Variants in SAMD12 observed in about 807,000 individuals in gnomAD.
SAMD12 encodes the protein sterile alpha motif domain-containing protein 12.
A neutral mutation model predicts 15.0 loss-of-function variants in SAMD12; 9 were observed. The observed-to-expected ratio is 0.60, with a 90% CI of 0.36 to 1.05. The LOEUF is 1.05. Ranked by LOEUF, SAMD12 falls within the 50% of genes least tolerant of loss-of-function variation. The probability of loss-of-function intolerance (pLI) is 0.01; values close to 1 mark genes in which losing one functional copy is unlikely to be tolerated. For missense variants in SAMD12, 230 were observed against 234.2 expected (o/e 0.98, Z 0.12); for synonymous variants, 86 against 90.1 (o/e 0.96, Z 0.25).
chr8:118,384,554 C>T (rs986989938), intron 3 of SAMD12, among the ~76,000 whole-genome samples: 2 of 152,084 alleles, frequency 1.3e-5, no homozygotes, highest in African/African-American at 4.8e-5. Flanking sequence ...GAAAGACAGA[C>T]ATCAGAGATG....
intron 2 of SAMD12, among the ~76,000 whole-genome samples, chr8:118,551,151 G>A (rs537086540): frequency 6.6e-6 from 1 of 152,166 alleles, no homozygotes; most frequent in African/African-American, 2.4e-5. Flanking sequence ...CCCAGGAATG[G>A]AAATCAGCTC....
At chr8:118,142,586 C>G in the SAMD12 span, among the ~76,000 whole-genome samples, 2 of 152,202 alleles carry the variant, frequency 1.3e-5, no homozygotes, top group Non-Finnish European at 2.9e-5. Context: ...GGGCTAACTT[C>G]CAGTCTAGCA....
the SAMD12 span, among the ~76,000 whole-genome samples, chr8:118,154,244 C>A: frequency 3.8e-4 from 58 of 152,214 alleles, 1 homozygote; most frequent in African/African-American, 1.2e-3. Flanking sequence ...CCCTTTTCAG[C>A]GTCATTTCGT....
intron 4 of SAMD12, among the ~76,000 whole-genome samples, chr8:118,359,411 G>A (rs922246365): frequency 1.3e-5 from 2 of 152,164 alleles, no homozygotes; most frequent in African/African-American, 4.8e-5. Flanking sequence ...AGTTTGCTAT[G>A]GCAGCCCCAG....
chr8:118,485,599 A>G (rs1455209473), intron 2 of SAMD12, among the ~76,000 whole-genome samples: 3 of 152,210 alleles, frequency 2.0e-5, no homozygotes, highest in Admixed American at 1.3e-4. Flanking sequence ...GCATATTATA[A>G]ATTAAATAAT....
chr8:118,398,347 T>A (rs902470684), intron 3 of SAMD12, among the ~76,000 whole-genome samples: 1 of 152,148 alleles, frequency 6.6e-6, no homozygotes, highest in Admixed American at 6.5e-5. Context: ...TACAGTGAGC[T>A]GAGATCGTGC....
chr8:118,408,910 T>A lies in SAMD12; in HGVS notation c.323-29210A>T, dbSNP rs534228631. Among the ~76,000 whole-genome samples the A allele has an allele frequency of 2.3e-3, 351 of 152,174 alleles. 1 individual carries two copies. Among genetic ancestry groups the A allele is most frequent in the Non-Finnish European group, 4.1e-3 (279 of 67,990 alleles). On this transcript the variant is annotated intron_variant, in intron 3 of 3. Coordinates refer to ENST00000314727, the MANE Select transcript of SAMD12 (RefSeq NM_207506.3). ...CTAATTATTGAAAAAATTAATTTTG[T>A]TTGTTTGAGACAGAGTCCCACTCTG... is the stretch of plus-strand genomic sequence containing the variant.
At chr8:118,516,638 CTT>C (rs34734575) in intron 2 of SAMD12, among the ~76,000 whole-genome samples, 9 of 139,894 alleles carry the variant, frequency 6.4e-5, no homozygotes, top group Non-Finnish European at 3.0e-5. Context: ...TTCTTTCTTT[CTT>C]TTTTTTTTTT....
At chr8:118,292,661 A>G (rs1271672893) in intron 4 of SAMD12, among the ~76,000 whole-genome samples, 2 of 151,938 alleles carry the variant, frequency 1.3e-5, no homozygotes, top group African/African-American at 4.8e-5. Flanking sequence ...CAAATGTCCA[A>G]CAATGATAGA....
chr8:118,602,805 T>A (rs542264794), intron 1 of SAMD12, among the ~76,000 whole-genome samples: 1 of 152,120 alleles, frequency 6.6e-6, no homozygotes, highest in Non-Finnish European at 1.5e-5. Flanking sequence ...ACAAAAAATA[T>A]GAGCAAAGTC....
intron 2 of SAMD12, among the ~76,000 whole-genome samples, chr8:118,445,060 C>T (rs1273687989): frequency 6.6e-6 from 1 of 152,196 alleles, no homozygotes; most frequent in East Asian, 1.9e-4. Flanking sequence ...TATTTCTTCC[C>T]TTACTATCTT....
intron 3 of SAMD12, among the ~76,000 whole-genome samples, chr8:118,412,611 T>C (rs1372829226): frequency 6.6e-6 from 1 of 152,118 alleles, no homozygotes; most frequent in Non-Finnish European, 1.5e-5. Flanking sequence ...ATTCCCAGAC[T>C]AGGTCAGAAA....
intron 4 of SAMD12, among the ~76,000 whole-genome samples, chr8:118,221,641 A>T (rs1812084520): frequency 6.6e-6 from 1 of 152,186 alleles, no homozygotes; most frequent in African/African-American, 2.4e-5. Context: ...GATCATGAAG[A>T]GACAGGTATA....
At chr8:118,613,673 T>G (rs1409613551) in intron 1 of SAMD12, among the ~76,000 whole-genome samples, 1 of 152,236 alleles carries the variant, frequency 6.6e-6, no homozygotes, top group African/African-American at 2.4e-5. Flanking sequence ...TTGGCTTAAC[T>G]CAGATCTTAA....
intron 4 of SAMD12, among the ~76,000 whole-genome samples, chr8:118,200,451 A>C (rs1819684812): frequency 6.6e-6 from 1 of 151,450 alleles, no homozygotes; most frequent in Admixed American, 6.6e-5. Flanking sequence ...TTTATATTAG[A>C]GCAACAAGAT....
At chr8:118,191,760 A>ATTTATT (rs1261698019) in exon 5 of SAMD12, 6 of 8,516 alleles carry the variant, frequency 7.0e-4, no homozygotes, top group Admixed American at 4.5e-3. Flanking sequence ...TGGAGATTAT[A>ATTTATT]TATATATATA....
the SAMD12 span, among the ~76,000 whole-genome samples, chr8:118,165,080 C>G: frequency 1.3e-5 from 2 of 151,602 alleles, no homozygotes; most frequent in African/African-American, 4.9e-5. Context: ...TGCTATCTGT[C>G]TGGAGATAGC....
chr8:118,352,266 T>C (rs1817996345), intron 4 of SAMD12, among the ~76,000 whole-genome samples: 1 of 152,144 alleles, frequency 6.6e-6, no homozygotes, highest in African/African-American at 2.4e-5. Flanking sequence ...TGAAAACTAA[T>C]GTGAAAAGTC....
At chr8:118,356,050 G>C (rs1818210313) in intron 4 of SAMD12, among the ~76,000 whole-genome samples, 1 of 152,192 alleles carries the variant, frequency 6.6e-6, no homozygotes, top group Admixed American at 6.5e-5. Context: ...CAAAGAACGT[G>C]TTCTTAGAAG....
Sources: allele counts gnomAD v4.1 joint callset (sites outside exome capture counted in the v4.1 genomes callset), GRCh38; gene constraint gnomAD v4.1.1; transcripts MANE v1.5; gene names NCBI Gene and HGNC (gene_info 2026-07-23, HGNC 2026-07-21).